The following PLCB4 variants were observed in gnomAD, a reference collection of about 807,000 sequenced individuals.
PLCB4 encodes the protein phospholipase C beta 4, also known as 1-phosphatidylinositol 4,5-bisphosphate phosphodiesterase beta-4.
In PLCB4, 77 loss-of-function variants were observed where a neutral mutation model predicts 178.8. The observed-to-expected ratio is 0.43, with a 90% CI of 0.36 to 0.52. PLCB4 has a LOEUF of 0.52. Ranked by LOEUF, PLCB4 falls within the 20% of genes least tolerant of loss-of-function variation. PLCB4 has a pLI of 0.00. For synonymous variants in PLCB4, 496 were observed against 490.8 expected, an observed-to-expected ratio of 1.01 and a Z score of -0.14; for missense variants, 1,024 against 1,453.4, an observed-to-expected ratio of 0.70 and a Z score of 4.80.
chr20:9,150,072 C>T (rs1470266081), intron 2 of PLCB4, among the ~76,000 whole-genome samples: 1 of 152,196 alleles, frequency 6.6e-6, no homozygotes, highest in Non-Finnish European at 1.5e-5. Context: ...CTGCATCACT[C>T]ATAGTAGCAA....
intron 3 of PLCB4, among the ~76,000 whole-genome samples, chr20:9,245,765 G>T (rs759490409): frequency 9.3e-5 from 14 of 151,184 alleles, no homozygotes; most frequent in Admixed American, 7.9e-4. Context: ...CTCCCGAGTA[G>T]CTGGGACTCC....
chr20:9,257,631 C>G (rs2094250293), intron 3 of PLCB4, among the ~76,000 whole-genome samples: 1 of 152,110 alleles, frequency 6.6e-6, no homozygotes, highest in Non-Finnish European at 1.5e-5. Flanking sequence ...ATGGAAAGAT[C>G]TTCATTTTGA....
chr20:9,087,799 T>C (rs901944346), intron 1 of PLCB4, among the ~76,000 whole-genome samples: 1 of 152,214 alleles, frequency 6.6e-6, no homozygotes, highest in Admixed American at 6.5e-5. Flanking sequence ...TGCAGGTCCA[T>C]TGGCATCATG....
In PLCB4 at chr20:9,153,936, A is replaced by G. The variant is rs80281001; in HGVS notation, c.-79+57594A>G. ...GGTCATTATTTCTTTTTATTGAAAT[A>G]AAAGTAATGACTCCTTTTCTGTAGG... On this transcript the variant is annotated intron_variant, in intron 2 of 39. Transcript: ENST00000378473. 8.6e-4 allele frequency among the ~76,000 whole-genome samples: 131 copies of G among 152,346 alleles called. 1 individual carries two copies. Among genetic ancestry groups the G allele is most frequent in the African/African-American group, 3.0e-3 (124 of 41,584 alleles).
At chr20:9,413,266 A>G (rs73248737) in intron 25 of PLCB4, among the ~76,000 whole-genome samples, 5,517 of 152,076 alleles carry the variant, frequency 0.036, 339 homozygotes, top group African/African-American at 0.13. Flanking sequence ...CTAACATGCC[A>G]TGAGGAATCC....
At chr20:9,457,023 G>C (rs143171623) in intron 33 of PLCB4, among the ~76,000 whole-genome samples, 58 of 152,214 alleles carry the variant, frequency 3.8e-4, no homozygotes, top group African/African-American at 1.3e-3. Context: ...CAAAAATCTG[G>C]CTTTATAATG....
chr20:9,221,879 G>A (rs1160392226), intron 3 of PLCB4, among the ~76,000 whole-genome samples: 2 of 151,972 alleles, frequency 1.3e-5, no homozygotes, highest in Non-Finnish European at 2.9e-5. Context: ...CAGGCACACA[G>A]GTTAACTTCA....
chr20:9,438,901 AAAAC>A (rs2148655509), intron 30 of PLCB4, among the ~76,000 whole-genome samples: 1 of 152,322 alleles, frequency 6.6e-6, no homozygotes, highest in Admixed American at 6.5e-5. Flanking sequence ...CTAATAAAGA[AAAAC>A]AAGGAAAATG....
At chr20:9,084,944 T>C (rs1377077054) in intron 1 of PLCB4, among the ~76,000 whole-genome samples, 1 of 149,390 alleles carries the variant, frequency 6.7e-6, no homozygotes, top group East Asian at 2.0e-4. Flanking sequence ...TCCCAGCTGC[T>C]GGGGAGGCTG....
At chr20:9,334,912 G>T (rs1252988500) in intron 4 of PLCB4, among the ~76,000 whole-genome samples, 5 of 152,000 alleles carry the variant, frequency 3.3e-5, no homozygotes, top group Non-Finnish European at 5.9e-5. Context: ...GGGGAAGGAA[G>T]AAAAGAATTT....
Position 9,309,920 on chromosome 20 carries a change from T to TGG in PLCB4, c.84+2022_84+2023insGG, listed in dbSNP as rs559298270. 2.8e-3 allele frequency among the ~76,000 whole-genome samples: 432 copies of TGG among 152,320 alleles called. 3 individuals carry two copies. The highest frequency in any genetic ancestry group is 7.9e-3 in the South Asian group (38 of 4,822). On this transcript the variant is annotated intron_variant, in intron 4 of 39. Transcript: ENST00000378473. ...GATTCCTCTACAAACTAGGCAAAGT[T>TGG]AGAAGAAAAGAACCCTTGAACAAGT...
At chr20:9,199,451 A>G (rs1243404410) in intron 2 of PLCB4, among the ~76,000 whole-genome samples, 1 of 152,176 alleles carries the variant, frequency 6.6e-6, no homozygotes, top group Admixed American at 6.5e-5. Flanking sequence ...TTTGATTCCA[A>G]GTTGGCTTTT....
chr20:9,155,904 CACAAG>C (rs1375987608), intron 2 of PLCB4, among the ~76,000 whole-genome samples: 2 of 152,096 alleles, frequency 1.3e-5, no homozygotes, highest in Non-Finnish European at 2.9e-5. Context: ...CTCCAGAACA[CACAAG>C]ACAAGTAAAT....
intron 35 of PLCB4, among the ~76,000 whole-genome samples, chr20:9,461,599 G>C (rs185416661): frequency 2.0e-5 from 3 of 152,244 alleles, no homozygotes; most frequent in East Asian, 1.9e-4. Context: ...CAGACAAGGC[G>C]ATTCTCTCCT....
intron 2 of PLCB4, among the ~76,000 whole-genome samples, chr20:9,156,401 A>T (rs975140805): frequency 1.2e-4 from 19 of 152,156 alleles, no homozygotes; most frequent in Non-Finnish European, 2.4e-4. Flanking sequence ...TTCTGAGATG[A>T]TGGAATTGAG....
intron 3 of PLCB4, among the ~76,000 whole-genome samples, chr20:9,298,791 T>C (rs1041540144): frequency 5.3e-5 from 8 of 152,124 alleles, no homozygotes; most frequent in African/African-American, 1.9e-4. Context: ...ATGATTAATA[T>C]TGAGGTACGA....
chr20:9,360,998 T>C (rs2035277313), intron 7 of PLCB4, among the ~76,000 whole-genome samples: 1 of 151,992 alleles, frequency 6.6e-6, no homozygotes, highest in African/African-American at 2.4e-5. Flanking sequence ...AAATATCAAG[T>C]GTTGTTGAGG....
intron 2 of PLCB4, among the ~76,000 whole-genome samples, chr20:9,117,447 C>T (rs2091819211): frequency 6.6e-6 from 1 of 152,166 alleles, no homozygotes; most frequent in Non-Finnish European, 1.5e-5. Flanking sequence ...GGAAATCGCA[C>T]CTGGAATGCT....
chr20:9,157,955 T>A (rs1222884352), intron 2 of PLCB4, among the ~76,000 whole-genome samples: 2 of 152,150 alleles, frequency 1.3e-5, no homozygotes, highest in Admixed American at 6.6e-5. Context: ...TAATTTATGT[T>A]GAATTCTTCC....
Sources: gnomAD v4.1 joint callset for allele counts (sites outside exome capture counted in the v4.1 genomes callset) on GRCh38, gnomAD v4.1.1 for gene constraint, MANE v1.5 for transcripts, NCBI Gene and HGNC (gene_info 2026-07-23, HGNC 2026-07-21) for gene names.